Variants in SERPINB12 observed in about 807,000 individuals in gnomAD.
The protein encoded by SERPINB12 is serpin family B member 12, also known as serpin B12.
In SERPINB12, 57 loss-of-function variants were observed where a neutral mutation model predicts 41.1. That is an observed-to-expected ratio of 1.39 (90% CI 1.12 to 1.73). The LOEUF (loss-of-function observed/expected upper bound fraction) is 1.73. SERPINB12 is among the 40% of genes most tolerant of loss of function. The pLI is 0.00. For missense variants in SERPINB12, 536 were observed against 501.9 expected, an observed-to-expected ratio of 1.07 and a Z score of -0.65; for synonymous variants, 180 against 181.3, an observed-to-expected ratio of 0.99 and a Z score of 0.06.
rs1360245855 is a variant in SERPINB12 at position 63,565,516 on chromosome 18, GGCACAGAT to G, written c.778_785del (p.Ala260ProfsTer21). ...GAATTGGCTTCATAGAGGAGGTGAAGGCACAGATCCTGGAAATGAGGTACACCAAGGGG... is the reference window on the plus strand; with the variant it reads ...GAATTGGCTTCATAGAGGAGGTGAAGCCTGGAAATGAGGTACACCAAGGGG... On this transcript the variant is annotated frameshift_variant, in exon 7 of 8. Coordinates refer to ENST00000382768, the MANE Select transcript of SERPINB12 (RefSeq NM_001307928.2). LOFTEE classifies it high-confidence loss of function. 15 of 1,613,940 alleles carry G rather than the reference GGCACAGAT, an allele frequency of 9.3e-6. No individual in the cohort carries two copies. In the African/African-American group the frequency reaches 2.0e-4, roughly 22 times the overall value.
intron 1 of SERPINB12, among the ~76,000 whole-genome samples, chr18:63,543,011 A>G (rs528874995): frequency 2.0e-5 from 3 of 152,272 alleles, no homozygotes; most frequent in Admixed American, 1.3e-4. Flanking sequence ...CATGCTGTGT[A>G]TGTACCACAT....
chr18:63,540,319 C>T (rs1489218305), upstream of SERPINB12, among the ~76,000 whole-genome samples: 1 of 152,126 alleles, frequency 6.6e-6, no homozygotes, highest in Non-Finnish European at 1.5e-5. Flanking sequence ...GATGGGATCT[C>T]CCTGGAGTAC....
In SERPINB12 at chr18:63,564,125, T is replaced by C. The variant is rs375171008; in HGVS notation, c.705+5T>C. On this transcript the variant is annotated splice_donor_5th_base_variant and intron_variant, in intron 6 of 7. Transcript: ENST00000382768. ...GCACCTTTCTGTCTAAATGCGGTAG[T>C]GTATCAGAACTCATGGTTTTCTAGC... is the stretch of plus-strand genomic sequence containing the variant. 37 of 1,611,328 alleles carry C rather than the reference T, an allele frequency of 2.3e-5. No individual in the cohort carries two copies. Among genetic ancestry groups the C allele is most frequent in the Non-Finnish European group, 3.1e-5 (36 of 1,179,182 alleles).
rs547107499 is a variant in SERPINB12, at chr18:63,547,312, A to G, written c.-19+4820A>G. ...TAATGAATTATTTCTGAAACATAAG[A>G]TGGTATAATATTTAGAATATCTATA... On this transcript the variant is annotated intron_variant, in intron 1 of 7. Coordinates refer to ENST00000382768, the MANE Select transcript of SERPINB12 (RefSeq NM_001307928.2). Among the ~76,000 whole-genome samples, 21 of 152,248 alleles carry G rather than the reference A, an allele frequency of 1.4e-4. No homozygotes were observed. The South Asian group carries it at 4.3e-3, about 32-fold the overall frequency.
chr18:63,533,502 C>A, the SERPINB12 span, among the ~76,000 whole-genome samples: 1 of 152,294 alleles, frequency 6.6e-6, no homozygotes, highest in African/African-American at 2.4e-5. Flanking sequence ...TGAGAGCAGT[C>A]TTAGAGTTTC....
At chr18:63,556,440 C>A in intron 2 of SERPINB12, 113 bp downstream of exon 2, 2 of 813,552 alleles carry the variant, frequency 2.5e-6, no homozygotes, top group South Asian at 2.6e-5. Flanking sequence ...TGGGCTTGGT[C>A]AGAACCCATC....
chr18:63,554,715 G>A (rs1256219352), intron 1 of SERPINB12, among the ~76,000 whole-genome samples: 1 of 152,130 alleles, frequency 6.6e-6, no homozygotes, highest in Non-Finnish European at 1.5e-5. Context: ...ATCTCACTCT[G>A]GTTCTATATT....
At chr18:63,519,769 T>A in the SERPINB12 span, among the ~76,000 whole-genome samples, 1 of 152,188 alleles carries the variant, frequency 6.6e-6, no homozygotes, top group African/African-American at 2.4e-5. Flanking sequence ...AAATTTCATA[T>A]GTCTCAGCAT....
At chr18:63,531,351 C>A in the SERPINB12 span, among the ~76,000 whole-genome samples, 1 of 152,156 alleles carries the variant, frequency 6.6e-6, no homozygotes, top group African/African-American at 2.4e-5. Context: ...AAGACCTGGG[C>A]CACGTCTGTG....
chr18:63,559,590 A>G lies in SERPINB12; in HGVS notation c.316A>G (p.Asn106Asp), dbSNP rs150749169. 10 of 1,613,938 alleles carry G rather than the reference A, an allele frequency of 6.2e-6. No individual in the cohort carries two copies. The African/African-American group carries it at 1.1e-4, about 17-fold the overall frequency. Residue 106 changes from asparagine (N) to aspartate (D), a missense_variant, in exon 4 of 8, where the codon AAC (asparagine) becomes GAC (aspartate). Transcript: ENST00000382768. The part of the protein sequence containing the change: ...EPLDQQAGSL[N>D]NESGLVSCYF... ...CTTCTTTCCTTAGGCTGGGTCCTTA[A>G]ACAATGAGAGCGGACTGGTCAGCTG...
chr18:63,556,747 G>T (rs150276550), intron 2 of SERPINB12, among the ~76,000 whole-genome samples: 2 of 152,156 alleles, frequency 1.3e-5, no homozygotes, highest in African/African-American at 4.8e-5. Context: ...TGGCTAGAGA[G>T]CTTGGTGTCC....
the SERPINB12 span, among the ~76,000 whole-genome samples, chr18:63,528,211 T>A: frequency 1.3e-4 from 20 of 151,930 alleles, no homozygotes; most frequent in Admixed American, 3.9e-4. Context: ...GAAAAATAAG[T>A]TTAGGGAGTT....
Position 63,565,649 on chromosome 18 carries a change from A to G in SERPINB12, c.873+37A>G. ...TTTCCACATCTCTACAAAATATTTAATGATAGATCTTTAGAGAACAACACT... is the reference window on the plus strand; with the variant it reads ...TTTCCACATCTCTACAAAATATTTAGTGATAGATCTTTAGAGAACAACACT... On this transcript the variant is annotated intron_variant, in intron 7 of 7. Coordinates refer to ENST00000382768, the MANE Select transcript of SERPINB12 (RefSeq NM_001307928.2). 1.9e-6 allele frequency: 3 copies of G among 1,569,338 alleles called. No individual in the cohort carries two copies. In the South Asian group the frequency reaches 3.5e-5, roughly 19 times the overall value.
intron 1 of SERPINB12, among the ~76,000 whole-genome samples, chr18:63,548,108 T>C (rs2000717): frequency 0.69 from 105,157 of 151,950 alleles, 36,585 homozygotes; most frequent in Middle Eastern, 0.74. Flanking sequence ...GAAACAAATG[T>C]TGTATGGTTA....
chr18:63,532,480 A>G, the SERPINB12 span, among the ~76,000 whole-genome samples: 1 of 152,206 alleles, frequency 6.6e-6, no homozygotes, highest in African/African-American at 2.4e-5. Flanking sequence ...TTTGGGGTAC[A>G]GCAAGAGAAT....
At chr18:63,521,331 T>G in the SERPINB12 span, among the ~76,000 whole-genome samples, 713 of 152,372 alleles carry the variant, frequency 4.7e-3, 7 homozygotes, top group Middle Eastern at 0.024. Flanking sequence ...CGATCAGTCA[T>G]CTTGATAAGT....
At chr18:63,552,038 G>T (rs962910658) in intron 1 of SERPINB12, among the ~76,000 whole-genome samples, 3 of 152,166 alleles carry the variant, frequency 2.0e-5, no homozygotes, top group Non-Finnish European at 4.4e-5. Flanking sequence ...ACTAAAATGG[G>T]AGGTTTATAT....
chr18:63,547,036 G>A (rs1369921434), intron 1 of SERPINB12, among the ~76,000 whole-genome samples: 6 of 152,330 alleles, frequency 3.9e-5, no homozygotes, highest in Non-Finnish European at 7.4e-5. Context: ...CAGAGGAGAT[G>A]TGATTGAAAT....
the SERPINB12 span, among the ~76,000 whole-genome samples, chr18:63,524,137 A>G: frequency 2.6e-5 from 4 of 151,968 alleles, no homozygotes; most frequent in Admixed American, 2.0e-4. Context: ...TTTTTTTGCT[A>G]GAAAAGATCA....
Sources: allele counts gnomAD v4.1 joint callset (sites outside exome capture counted in the v4.1 genomes callset), GRCh38; gene constraint gnomAD v4.1.1; transcripts MANE v1.5; gene names NCBI Gene and HGNC (gene_info 2026-07-23, HGNC 2026-07-21).